SMIM17: variants seen among roughly 807,000 people sequenced by gnomAD.
SMIM17 encodes small integral membrane protein 17.
A neutral mutation model predicts 12.2 loss-of-function variants in SMIM17; 10 were observed. The observed-to-expected ratio is 0.82, with a 90% CI of 0.50 to 1.39. The LOEUF is 1.39. Among genes scored for constraint, SMIM17 ranks in the 40% most tolerant of loss-of-function variants. The probability of loss-of-function intolerance (pLI) is 0.00; values close to 1 mark genes in which losing one functional copy is unlikely to be tolerated. For synonymous variants in SMIM17, 50 were observed against 44.1 expected, an observed-to-expected ratio of 1.13 and a Z score of -0.53; for missense variants, 136 against 118.2, an observed-to-expected ratio of 1.15 and a Z score of -0.70.
chr19:56,651,173 T>C (rs1304449545), intron 3 of SMIM17, among the ~76,000 whole-genome samples: 1 of 152,202 alleles, frequency 6.6e-6, no homozygotes, highest in Non-Finnish European at 1.5e-5. Context: ...ATTTACTTGG[T>C]ACTCTTATCA....
At chr19:56,649,093 A>G (rs2045089788) in intron 3 of SMIM17, among the ~76,000 whole-genome samples, 1 of 152,238 alleles carries the variant, frequency 6.6e-6, no homozygotes, top group Admixed American at 6.5e-5. Context: ...AGTTAACTGC[A>G]TGCCAGGAGG....
intron 3 of SMIM17, among the ~76,000 whole-genome samples, chr19:56,653,364 G>A (rs1395481239): frequency 1.3e-5 from 2 of 152,090 alleles, no homozygotes; most frequent in Non-Finnish European, 2.9e-5. Flanking sequence ...CACTTAATAC[G>A]TGCTGGACAG....
At chr19:56,654,778 A>G (rs983997636) in intron 3 of SMIM17, among the ~76,000 whole-genome samples, 10 of 152,220 alleles carry the variant, frequency 6.6e-5, no homozygotes, top group African/African-American at 2.2e-4. Flanking sequence ...TGGGTCAACA[A>G]ATACACATAC....
rs1568519933 is a variant in SMIM17, at chr19:56,655,959, T to G, written c.*746T>G. 1.3e-5 allele frequency among the ~76,000 whole-genome samples: 2 copies of G among 151,148 alleles called. No individual in the cohort carries two copies. The highest frequency in any genetic ancestry group is 4.8e-5 in the African/African-American group (2 of 41,308). On this transcript the variant is annotated 3_prime_UTR_variant, in exon 4 of 4. Transcript: ENST00000598409. ...GGCGAATTACAGAGGTTTTTGTTTT[T>G]TTTTTTTTTTGAGACCGAGTCTCAC...
chr19:56,645,740 G>A lies in SMIM17; in HGVS notation c.73G>A (p.Glu25Lys), dbSNP rs1486638494. ...GAGGACCAAGACTCTGCTGCCTCGG[G>A]AGAGCCGGGCCTGGGAGAAGCCTCC... ...PERTKTLLPR[E>K]SRAWEKPPHP... Residue 25 changes from glutamate to lysine, a missense_variant, in exon 2 of 4, where the codon GAG becomes AAG. Physicochemically the swap from Glu to Lys is moderately conservative, Grantham distance 56. Transcript: ENST00000598409. The A allele has an allele frequency of 1.3e-6, 2 of 1,535,886 alleles. No homozygotes were observed. Among genetic ancestry groups the A allele is most frequent in the Non-Finnish European group, 1.7e-6 (2 of 1,146,824 alleles).
rs2045146853 is a variant in SMIM17, at chr19:56,655,892, GTT to G, written c.*680_*681del. On this transcript the variant is annotated 3_prime_UTR_variant, in exon 4 of 4. Coordinates refer to ENST00000598409, the MANE Select transcript of SMIM17 (RefSeq NM_001193628.2). ...GGCAGCTTTCTTAGTTCTTTACAAT[GTT>G]ATCAGTTTATTAATACTTTTTACCT... The G allele has an allele frequency of 6.6e-6, 1 of 151,154 alleles. No individual in the cohort carries two copies. Among genetic ancestry groups the G allele is most frequent in the South Asian group, 2.1e-4 (1 of 4,784 alleles). 9.4% of individuals were successfully genotyped at this position (151,154 alleles called of 1,614,324 possible). A position where few individuals can be genotyped will look rare whatever the true frequency, so the allele number is the denominator to read the frequency against.
At chr19:56,651,145 T>G (rs1013125406) in intron 3 of SMIM17, among the ~76,000 whole-genome samples, 12 of 152,198 alleles carry the variant, frequency 7.9e-5, no homozygotes, top group Non-Finnish European at 1.3e-4. Context: ...AGCTGGACTT[T>G]GTGCTCTACT....
intron 1 of SMIM17, among the ~76,000 whole-genome samples, chr19:56,643,964 C>T (rs2045043159): frequency 6.6e-6 from 1 of 152,032 alleles, no homozygotes; most frequent in South Asian, 2.1e-4. Flanking sequence ...CAGGGGATGA[C>T]TTGTTTGCTA....
intron 2 of SMIM17, 25 bp downstream of exon 2, chr19:56,645,861 G>T (rs768970643): frequency 6.6e-7 from 1 of 1,514,350 alleles, no homozygotes; most frequent in Admixed American, 2.1e-5. Flanking sequence ...TCCTTTGGGA[G>T]GTGAGTGGGT....
Position 56,655,313 on chromosome 19 carries a change from G to T in SMIM17, c.*100G>T. Reference sequence around the variant, plus strand: ...TAGTTAAAAATCAGGAATAGGTGTTGAATATTTTCAAATGCCTTTCAAACA... The same window carrying T: ...TAGTTAAAAATCAGGAATAGGTGTTTAATATTTTCAAATGCCTTTCAAACA... On this transcript the variant is annotated 3_prime_UTR_variant, in exon 4 of 4. Coordinates refer to ENST00000598409, the MANE Select transcript of SMIM17 (RefSeq NM_001193628.2). 3.7e-6 allele frequency: 2 copies of T among 541,562 alleles called. No individual in the cohort carries two copies. Among genetic ancestry groups the T allele is most frequent in the Non-Finnish European group, 6.7e-6 (2 of 300,278 alleles). 33.5% of individuals were successfully genotyped at this position (541,562 alleles called of 1,614,324 possible). A position where few individuals can be genotyped will look rare whatever the true frequency, so the allele number is the denominator to read the frequency against.
chr19:56,643,443 A>G (rs2045039061), intron 1 of SMIM17, among the ~76,000 whole-genome samples: 1 of 152,132 alleles, frequency 6.6e-6, no homozygotes, highest in Non-Finnish European at 1.5e-5. Context: ...GTTTCTCCGC[A>G]GCGGAGGTCT....
At chr19:56,655,038 C>T in intron 3 of SMIM17, 65 bp from the exon 4 acceptor site, 1 of 588,916 alleles carries the variant, frequency 1.7e-6, no homozygotes, top group Non-Finnish European at 3.1e-6. Context: ...AGTCTATTTT[C>T]CTGCAAGTAA....
At position 56,647,605 on chromosome 19, in the gene SMIM17, G is replaced by A; in HGVS notation, c.217G>A (p.Glu73Lys). ...GCTTTCCCAGGAGTGGAGCTCGGTG[G>A]AGGAAGATGACGAATCAGAGGGCTC... Reference protein sequence around the residue: ...TGLSQEWSSVEEDDESEGSQG... With the variant: ...TGLSQEWSSVKEDDESEGSQG... The change falls in exon 3 of 4, where the codon GAG (glutamate) becomes AAG (lysine). Residue 73 changes from glutamate (E) to lysine (K), a missense_variant. Physicochemically the swap from Glu to Lys is moderately conservative, Grantham distance 56. Transcript: ENST00000598409. The A allele has an allele frequency of 6.5e-7, 1 of 1,535,586 alleles. No homozygotes were observed. The highest frequency in any genetic ancestry group is 8.7e-7 in the Non-Finnish European group (1 of 1,146,702).
chr19:56,647,492 A>G, intron 2 of SMIM17, 66 bp from the exon 3 acceptor site: 1 of 1,171,268 alleles, frequency 8.5e-7, no homozygotes, highest in Non-Finnish European at 1.2e-6. Flanking sequence ...CAGTGGGAAG[A>G]GCCCACTCCT....
intron 1 of SMIM17, among the ~76,000 whole-genome samples, chr19:56,645,231 G>C (rs1427133298): frequency 6.6e-6 from 1 of 151,040 alleles, no homozygotes; most frequent in African/African-American, 2.5e-5. Flanking sequence ...GTTTGTGTTA[G>C]TGTGTGTGTA....
chr19:56,648,848 T>C (rs1173656117), intron 3 of SMIM17, among the ~76,000 whole-genome samples: 1 of 152,230 alleles, frequency 6.6e-6, no homozygotes, highest in East Asian at 1.9e-4. Context: ...CAGTGGTTCT[T>C]TCATTTATAC....
chr19:56,645,878 G>T (rs770572772), intron 2 of SMIM17, 42 bp downstream of exon 2: 3 of 1,494,712 alleles, frequency 2.0e-6, no homozygotes, highest in Non-Finnish European at 2.7e-6. Flanking sequence ...GGGTGGAGAG[G>T]AAGGAATTGG....
chr19:56,645,496 T>TAATGC (rs1448121621), intron 1 of SMIM17, 72 bp from the exon 2 acceptor site: 5 of 525,628 alleles, frequency 9.5e-6, no homozygotes, highest in Non-Finnish European at 1.6e-5. Context: ...GCTGTATTTC[T>TAATGC]AATGCTTACA....
intron 3 of SMIM17, among the ~76,000 whole-genome samples, chr19:56,648,185 T>A (rs542100185): frequency 4.9e-4 from 64 of 130,912 alleles, no homozygotes; most frequent in African/African-American, 1.8e-3. Context: ...CATCCATGCA[T>A]CAACCCATCC....
Sources: gnomAD v4.1 joint callset for allele counts (sites outside exome capture counted in the v4.1 genomes callset) on GRCh38, gnomAD v4.1.1 for gene constraint, MANE v1.5 for transcripts, NCBI Gene and HGNC (gene_info 2026-07-23, HGNC 2026-07-21) for gene names.